The following NRG3 variants were observed in gnomAD, a reference collection of about 807,000 sequenced individuals.
NRG3 encodes the protein neuregulin 3, also known as pro-neuregulin-3, membrane-bound isoform.
Under a neutral mutation model 66.9 loss-of-function variants are expected in NRG3, and 31 were observed. The ratio of observed to expected loss-of-function variants is 0.46; its 90% CI spans 0.35 to 0.63. The LOEUF is 0.63. Among genes scored for constraint, NRG3 ranks in the 20% least tolerant of loss-of-function variants. The pLI, the probability that NRG3 is intolerant of heterozygous loss-of-function variation, is 0.00. For missense variants in NRG3, 910 were observed against 878.9 expected, an observed-to-expected ratio of 1.04 and a Z score of -0.45; for synonymous variants, 393 against 359.4, an observed-to-expected ratio of 1.09 and a Z score of -1.06.
intron 1 of NRG3, among the ~76,000 whole-genome samples, chr10:81,963,108 G>C (rs192399103): frequency 1.5e-3 from 216 of 143,116 alleles, no homozygotes; most frequent in Non-Finnish European, 2.6e-3. Context: ...TGGAAAATAT[G>C]ATCTGCCACG....
At chr10:82,698,486 G>A (rs2484451) in intron 2 of NRG3, among the ~76,000 whole-genome samples, 140,606 of 152,240 alleles carry the variant, frequency 0.92, 64,983 homozygotes, top group East Asian at 1. Flanking sequence ...TTGCAAAAAT[G>A]TATTTTTAAA....
chr10:82,835,382 C>G lies in NRG3; in HGVS notation c.1028-30029C>G, dbSNP rs920076707. Reference sequence around the variant, plus strand: ...CATTTGGTATATTCCCTTTCCATTTCTTTCAAACTTCCGTATTAAAAATGC... The same window carrying G: ...CATTTGGTATATTCCCTTTCCATTTGTTTCAAACTTCCGTATTAAAAATGC... On this transcript the variant is annotated intron_variant, in intron 3 of 8. Transcript: ENST00000372141. Among the ~76,000 whole-genome samples, 4 of 152,146 alleles carry G rather than the reference C, an allele frequency of 2.6e-5. No homozygotes were observed. The South Asian group carries it at 6.2e-4, about 24-fold the overall frequency.
chr10:82,736,500 G>C (rs749026537), intron 2 of NRG3, among the ~76,000 whole-genome samples: 4 of 152,174 alleles, frequency 2.6e-5, no homozygotes, highest in Non-Finnish European at 5.9e-5. Flanking sequence ...CACAGCCCCT[G>C]GGGGGCTTCC....
chr10:82,540,695 G>T (rs2043486083), intron 2 of NRG3, among the ~76,000 whole-genome samples: 2 of 152,098 alleles, frequency 1.3e-5, no homozygotes, highest in African/African-American at 4.8e-5. Flanking sequence ...AATATATAAA[G>T]ATATGGAGTA....
chr10:82,152,612 C>A (rs2132811497), intron 1 of NRG3, among the ~76,000 whole-genome samples: 1 of 151,974 alleles, frequency 6.6e-6, no homozygotes, highest in African/African-American at 2.4e-5. Context: ...CAGATTTGTA[C>A]CACTCACTAT....
intron 1 of NRG3, among the ~76,000 whole-genome samples, chr10:82,079,595 C>T (rs2065279021): frequency 6.6e-6 from 1 of 152,104 alleles, no homozygotes; most frequent in Non-Finnish European, 1.5e-5. Context: ...AGTTTCATTG[C>T]CGTAAAAATT....
At chr10:82,930,863 C>T (rs1847504741) in intron 4 of NRG3, among the ~76,000 whole-genome samples, 1 of 152,162 alleles carries the variant, frequency 6.6e-6, no homozygotes, top group Non-Finnish European at 1.5e-5. Context: ...TGACAGAAAA[C>T]TTCCTCTTCA....
intron 1 of NRG3, among the ~76,000 whole-genome samples, chr10:82,175,343 G>A (rs147126373): frequency 6.6e-6 from 1 of 152,196 alleles, no homozygotes; most frequent in African/African-American, 2.4e-5. Flanking sequence ...AAAGGCTCAA[G>A]AGTGCCCTCA....
chr10:82,789,316 A>G (rs1377000728), intron 3 of NRG3, among the ~76,000 whole-genome samples: 1 of 152,126 alleles, frequency 6.6e-6, no homozygotes, highest in Non-Finnish European at 1.5e-5. Flanking sequence ...TATTCAAATA[A>G]TGTGTCCATT....
intron 2 of NRG3, among the ~76,000 whole-genome samples, chr10:82,454,603 G>T (rs940151954): frequency 3.3e-5 from 5 of 152,128 alleles, no homozygotes; most frequent in Non-Finnish European, 7.3e-5. Context: ...CAACCATTCA[G>T]ATAAAAAAAG....
At chr10:82,885,122 TCTTCTATCCAAGAAGAATAATCTTCTGC>T (rs1238581459) in intron 4 of NRG3, among the ~76,000 whole-genome samples, 2 of 152,230 alleles carry the variant, frequency 1.3e-5, no homozygotes, top group Non-Finnish European at 2.9e-5. Flanking sequence ...GTAAAGTCAA[TCTTCTATCCAAGAAGAATAATCTTCTGC>T]CCGTAACTAC....
intron 4 of NRG3, among the ~76,000 whole-genome samples, chr10:82,875,236 A>G (rs1841703502): frequency 6.6e-6 from 1 of 152,198 alleles, no homozygotes; most frequent in African/African-American, 2.4e-5. Context: ...ACATTTGCCA[A>G]ATTAAATCAT....
At chr10:82,506,466 T>A (rs141607409) in intron 2 of NRG3, among the ~76,000 whole-genome samples, 28 of 152,222 alleles carry the variant, frequency 1.8e-4, no homozygotes, top group African/African-American at 6.5e-4. Context: ...CCCTTAGTTT[T>A]CAAAGAAACA....
In NRG3 at chr10:81,875,656, A is replaced by C. The variant is rs1332380028; in HGVS notation, c.316A>C (p.Lys106Gln). 4 of 1,613,686 alleles carry C rather than the reference A, an allele frequency of 2.5e-6. No homozygotes were observed. The highest frequency in any genetic ancestry group is 1.7e-6 in the Non-Finnish European group (2 of 1,179,926). ...EYVPTDLVDS[K>Q]GMGQDPFFLS... ...CGTGCCCACCGACCTAGTGGACTCC[A>C]AGGGGATGGGCCAGGACCCCTTCTT... is the stretch of plus-strand genomic sequence containing the variant. The change falls in exon 1 of 9, where the codon AAG becomes CAG. Residue 106 changes from lysine (K) to glutamine (Q), a missense_variant. By Grantham distance (53) the Lys-to-Gln change is moderately conservative. Coordinates refer to ENST00000372141, the MANE Select transcript of NRG3 (RefSeq NM_001010848.4). This position sits in a 1 kb window ranked among gnomAD's most constrained non-coding sequence, Gnocchi z 5.3.
chr10:82,103,646 A>G (rs1271527241), intron 1 of NRG3, among the ~76,000 whole-genome samples: 1 of 152,150 alleles, frequency 6.6e-6, no homozygotes, highest in Non-Finnish European at 1.5e-5. Flanking sequence ...AGTGGCTCAG[A>G]AATTTTGTTG....
chr10:82,073,035 A>C (rs1356721161), intron 1 of NRG3, among the ~76,000 whole-genome samples: 1 of 152,110 alleles, frequency 6.6e-6, no homozygotes, highest in East Asian at 1.9e-4. Flanking sequence ...TTGTCCTCCC[A>C]AAGTGTTGGG....
chr10:82,733,349 C>A (rs374209559), intron 2 of NRG3, among the ~76,000 whole-genome samples: 4 of 152,190 alleles, frequency 2.6e-5, no homozygotes, highest in African/African-American at 9.6e-5. Context: ...CAGCTACCTG[C>A]ACTTGTTTTT....
intron 1 of NRG3, among the ~76,000 whole-genome samples, chr10:82,021,087 T>C (rs754381506): frequency 6.6e-6 from 1 of 152,072 alleles, no homozygotes; most frequent in Non-Finnish European, 1.5e-5. Context: ...ACCAATGCCT[T>C]TGAAATGGCC....
At chr10:82,571,507 A>G (rs1426985967) in intron 2 of NRG3, among the ~76,000 whole-genome samples, 1 of 151,628 alleles carries the variant, frequency 6.6e-6, no homozygotes, top group Non-Finnish European at 1.5e-5. Context: ...AAAATATAAA[A>G]GTACATATCT....
Sources: gnomAD v4.1 joint callset for allele counts (sites outside exome capture counted in the v4.1 genomes callset) on GRCh38, gnomAD v4.1.1 for gene constraint, Gnocchi (gnomAD v3.1) non-coding constraint, MANE v1.5 for transcripts, NCBI Gene and HGNC (gene_info 2026-07-23, HGNC 2026-07-21) for gene names.